Variants in NALCN observed in about 807,000 individuals in gnomAD.
The protein encoded by NALCN is sodium leak channel, non-selective.
NALCN carries 111 observed loss-of-function variants against 225.3 expected under a neutral mutation model. The ratio of observed to expected loss-of-function variants is 0.49; its 90% CI spans 0.42 to 0.58. The LOEUF (loss-of-function observed/expected upper bound fraction) is 0.58, where lower values mean the gene tolerates loss of function less well. Among genes scored for constraint, NALCN ranks in the 20% least tolerant of loss-of-function variants. The probability of loss-of-function intolerance (pLI) is 0.00; values close to 1 mark genes in which losing one functional copy is unlikely to be tolerated. For missense variants in NALCN, 1,378 were observed against 2,202.4 expected, an observed-to-expected ratio of 0.63 and a Z score of 7.49; for synonymous variants, 764 against 769.0, an observed-to-expected ratio of 0.99 and a Z score of 0.11.
At chr13:101,297,232 C>T (rs1376281126) in intron 7 of NALCN, among the ~76,000 whole-genome samples, 1 of 152,128 alleles carries the variant, frequency 6.6e-6, no homozygotes, top group Non-Finnish European at 1.5e-5. Context: ...TACCACTAAA[C>T]CTCTCTCCAA....
intron 15 of NALCN, among the ~76,000 whole-genome samples, chr13:101,150,377 G>A (rs976390592): frequency 1.3e-5 from 2 of 152,178 alleles, no homozygotes; most frequent in Non-Finnish European, 2.9e-5. Context: ...GTATATTAGA[G>A]TTCAGTTAAA....
intron 3 of NALCN, among the ~76,000 whole-genome samples, chr13:101,382,927 A>C (rs1305516166): frequency 1.3e-5 from 2 of 152,198 alleles, no homozygotes; most frequent in Non-Finnish European, 2.9e-5. Context: ...TTCCCAGTGA[A>C]GTATGGAAAT....
rs2035845315 is a variant in NALCN, at chr13:101,118,978, C to T, written c.2192+5630G>A. ...CGGAGCTGCAGAGAAATAATATGAC[C>T]TTATCCAAAGTTGCTGAATAGCTGG... On this transcript the variant is annotated intron_variant, in intron 18 of 43. Coordinates refer to ENST00000251127, the MANE Select transcript of NALCN (RefSeq NM_052867.4). Among the ~76,000 whole-genome samples the T allele has an allele frequency of 2.0e-5, 3 of 152,248 alleles. No homozygotes were observed. The South Asian group carries it at 6.2e-4, about 32-fold the overall frequency.
At chr13:101,344,059 T>C (rs2045640392) in intron 7 of NALCN, among the ~76,000 whole-genome samples, 1 of 152,140 alleles carries the variant, frequency 6.6e-6, no homozygotes. Context: ...TGCCCAGCTG[T>C]TGGAACTCCT....
chr13:101,071,816 C>T (rs2032909330), intron 37 of NALCN, among the ~76,000 whole-genome samples: 1 of 152,208 alleles, frequency 6.6e-6, no homozygotes. Context: ...CAGCTTTTGA[C>T]ATGCCTTCCT....
intron 20 of NALCN, among the ~76,000 whole-genome samples, chr13:101,108,814 T>C (rs1296856066): frequency 6.6e-6 from 1 of 152,224 alleles, no homozygotes; most frequent in Non-Finnish European, 1.5e-5. Flanking sequence ...GACTTAATTA[T>C]CTGTGTCTGC....
At chr13:101,256,716 T>C (rs1242813786) in intron 11 of NALCN, among the ~76,000 whole-genome samples, 1 of 151,762 alleles carries the variant, frequency 6.6e-6, no homozygotes, top group Admixed American at 6.6e-5. Context: ...TCTTTCCCTG[T>C]GTTAGAAATT....
intron 6 of NALCN, among the ~76,000 whole-genome samples, chr13:101,357,589 C>G (rs1292898436): frequency 6.6e-6 from 1 of 152,064 alleles, no homozygotes; most frequent in Non-Finnish European, 1.5e-5. Context: ...GAATCAATAT[C>G]ATGAAAATGG....
intron 7 of NALCN, among the ~76,000 whole-genome samples, chr13:101,332,260 T>G (rs965985893): frequency 6.6e-6 from 1 of 151,596 alleles, no homozygotes; most frequent in African/African-American, 2.4e-5. Flanking sequence ...ATGCAGAGAA[T>G]GAGTTCACAG....
chr13:101,286,201 A>G (rs969891071), intron 9 of NALCN, among the ~76,000 whole-genome samples: 32 of 152,306 alleles, frequency 2.1e-4, no homozygotes, highest in Admixed American at 3.9e-4. Context: ...AGAGACTCAA[A>G]TCCTTGCGGG....
At chr13:101,300,227 A>G (rs1010927477) in intron 7 of NALCN, among the ~76,000 whole-genome samples, 1 of 152,156 alleles carries the variant, frequency 6.6e-6, no homozygotes, top group Non-Finnish European at 1.5e-5. Flanking sequence ...ATTACTTGGG[A>G]GGATGTTACC....
chr13:101,355,300 C>T (rs546952658), intron 6 of NALCN, among the ~76,000 whole-genome samples: 9 of 151,540 alleles, frequency 5.9e-5, no homozygotes, highest in South Asian at 2.1e-4. Context: ...TTCAGGGGAC[C>T]GATCTCATGT....
intron 13 of NALCN, among the ~76,000 whole-genome samples, chr13:101,207,270 T>C (rs1001969311): frequency 1.3e-5 from 2 of 152,230 alleles, no homozygotes; most frequent in African/African-American, 2.4e-5. Context: ...GCATTGTTGA[T>C]AACAAAAACC....
chr13:101,362,854 C>T (rs543022845), intron 6 of NALCN, among the ~76,000 whole-genome samples: 71 of 152,092 alleles, frequency 4.7e-4, no homozygotes, highest in Non-Finnish European at 5.4e-4. Flanking sequence ...AAGACTCCAC[C>T]AAAAACTGTT....
intron 7 of NALCN, among the ~76,000 whole-genome samples, chr13:101,339,757 T>G (rs1207024500): frequency 6.6e-6 from 1 of 152,094 alleles, no homozygotes; most frequent in Non-Finnish European, 1.5e-5. Flanking sequence ...TGATGCTTCA[T>G]CAAACTAGAA....
At chr13:101,286,215 C>T (rs1486290101) in intron 9 of NALCN, among the ~76,000 whole-genome samples, 4 of 152,148 alleles carry the variant, frequency 2.6e-5, no homozygotes, top group African/African-American at 9.7e-5. Flanking sequence ...TTGCGGGGAG[C>T]GTGGCAGGGA....
At chr13:101,095,830 A>T in intron 27 of NALCN, 150 bp from the exon 28 acceptor site, 1 of 646,040 alleles carries the variant, frequency 1.5e-6, no homozygotes, top group Non-Finnish European at 2.6e-6. Flanking sequence ...GCAAATAGTA[A>T]CAAAGACTTT....
intron 6 of NALCN, among the ~76,000 whole-genome samples, chr13:101,345,981 G>A (rs2045714619): frequency 6.8e-6 from 1 of 146,868 alleles, no homozygotes; most frequent in Non-Finnish European, 1.5e-5. Context: ...TACGTGACGT[G>A]TCTGTCTAAA....
intron 1 of NALCN, among the ~76,000 whole-genome samples, chr13:101,414,052 A>ATTTT (rs34061768): frequency 4.1e-5 from 6 of 147,554 alleles, no homozygotes; most frequent in Non-Finnish European, 7.5e-5. Flanking sequence ...CACTTGGTGA[A>ATTTT]TTTTTTTTTT....
Sources: gnomAD v4.1 joint callset for allele counts (sites outside exome capture counted in the v4.1 genomes callset) on GRCh38, gnomAD v4.1.1 for gene constraint, MANE v1.5 for transcripts, NCBI Gene and HGNC (gene_info 2026-07-23, HGNC 2026-07-21) for gene names.